DLG2: variants seen among roughly 807,000 people sequenced by gnomAD.
The protein encoded by DLG2 is disks large homolog 2.
Under a neutral mutation model 132.5 loss-of-function variants are expected in DLG2, and 45 were observed. The observed-to-expected ratio is 0.34, with a 90% CI of 0.27 to 0.44. The LOEUF is 0.44. Ranked by LOEUF, DLG2 falls within the 20% of genes least tolerant of loss-of-function variation. The probability of loss-of-function intolerance (pLI) is 1.00; values close to 1 mark genes in which losing one functional copy is unlikely to be tolerated. For synonymous variants in DLG2, 424 were observed against 419.6 expected (o/e 1.01, Z -0.13); for missense variants, 1,045 against 1,196.9 (o/e 0.87, Z 1.87).
chr11:84,313,685 G>GAAAGAAAGAAAGAAAT (rs2098325562), intron 7 of DLG2, among the ~76,000 whole-genome samples: 1 of 145,470 alleles, frequency 6.9e-6, no homozygotes, highest in Admixed American at 7.0e-5. Context: ...AAGAAAGAAA[G>GAAAGAAAGAAAGAAAT]AAAAAGAAAG....
chr11:84,083,050 C>T (rs889908268), intron 10 of DLG2, among the ~76,000 whole-genome samples: 7 of 152,180 alleles, frequency 4.6e-5, no homozygotes, highest in South Asian at 2.1e-4. Flanking sequence ...GAGGCCAAGG[C>T]GGGTAGATCA....
At chr11:84,243,552 A>T (rs2097263233) in intron 8 of DLG2, among the ~76,000 whole-genome samples, 1 of 152,228 alleles carries the variant, frequency 6.6e-6, no homozygotes, top group Non-Finnish European at 1.5e-5. Flanking sequence ...AGTGTTTCTC[A>T]AACTTAAATA....
At chr11:85,104,495 T>G (rs1293716903) in intron 6 of DLG2, among the ~76,000 whole-genome samples, 1 of 151,894 alleles carries the variant, frequency 6.6e-6, no homozygotes. Context: ...AGGAAATATC[T>G]AGAAAGGGCA....
At chr11:85,163,915 T>C (rs1048008313) in intron 4 of DLG2, among the ~76,000 whole-genome samples, 1 of 152,164 alleles carries the variant, frequency 6.6e-6, no homozygotes, top group African/African-American at 2.4e-5. Context: ...ATAACATGTG[T>C]ACCCATGTAT....
chr11:85,091,818 C>T (rs1195898132), intron 6 of DLG2, among the ~76,000 whole-genome samples: 1 of 151,898 alleles, frequency 6.6e-6, no homozygotes, highest in Non-Finnish European at 1.5e-5. Flanking sequence ...ATTTCCATGT[C>T]TGCAGTTACT....
At chr11:83,950,537 G>A (rs186114712) in intron 14 of DLG2, among the ~76,000 whole-genome samples, 6 of 152,320 alleles carry the variant, frequency 3.9e-5, no homozygotes, top group African/African-American at 1.2e-4. Context: ...AGGTTTCAGT[G>A]AGCTGAGATC....
chr11:84,600,183 A>AGAAAGAAG (rs1565419402), intron 6 of DLG2, among the ~76,000 whole-genome samples: 23 of 120,962 alleles, frequency 1.9e-4, no homozygotes, highest in Non-Finnish European at 3.3e-4. Flanking sequence ...AAAGAAAGAA[A>AGAAAGAAG]GAAAGAAAGA....
At chr11:84,649,402 A>G (rs956273265) in intron 6 of DLG2, among the ~76,000 whole-genome samples, 1 of 152,210 alleles carries the variant, frequency 6.6e-6, no homozygotes, top group African/African-American at 2.4e-5. Context: ...AGCATCCTAC[A>G]GAATAAAGCC....
At chr11:84,590,541 T>C (rs1231416355) in intron 6 of DLG2, among the ~76,000 whole-genome samples, 2 of 152,172 alleles carry the variant, frequency 1.3e-5, no homozygotes, top group African/African-American at 4.8e-5. Context: ...AAATTACATC[T>C]TGTAAATATT....
intron 8 of DLG2, among the ~76,000 whole-genome samples, chr11:84,179,833 G>A (rs1031330177): frequency 2.0e-5 from 3 of 152,010 alleles, no homozygotes; most frequent in Non-Finnish European, 4.4e-5. Flanking sequence ...TTGGGGATAA[G>A]GGGGACAACA....
intron 7 of DLG2, among the ~76,000 whole-genome samples, chr11:84,476,753 T>G (rs2099122724): frequency 6.6e-6 from 1 of 152,132 alleles, no homozygotes; most frequent in South Asian, 2.1e-4. Flanking sequence ...TTCCAGACTA[T>G]AGTCCTAGTA....
chr11:84,938,256 T>A (rs2048982905), intron 6 of DLG2, among the ~76,000 whole-genome samples: 1 of 152,120 alleles, frequency 6.6e-6, no homozygotes, highest in Non-Finnish European at 1.5e-5. Context: ...TTCCACAGGG[T>A]TCTTAGATAC....
chr11:84,468,817 AT>A (rs1309730895), intron 7 of DLG2, among the ~76,000 whole-genome samples: 1 of 151,550 alleles, frequency 6.6e-6, no homozygotes, highest in Non-Finnish European at 1.5e-5. Context: ...TTGTTATTCC[AT>A]TTTGCTTTAA....
At chr11:84,437,807 G>A (rs1259748248) in intron 7 of DLG2, 1 of 152,448 alleles carries the variant, frequency 6.6e-6, no homozygotes, top group African/African-American at 2.4e-5. Flanking sequence ...CTCCATGTGT[G>A]TCAGGAGGAA....
intron 8 of DLG2, among the ~76,000 whole-genome samples, chr11:84,190,197 G>A (rs2096378896): frequency 6.6e-6 from 1 of 151,538 alleles, no homozygotes; most frequent in Non-Finnish European, 1.5e-5. Flanking sequence ...GTGAATTGGA[G>A]AGAGAGTAAG....
chr11:85,148,669 A>T (rs956140534), intron 5 of DLG2, among the ~76,000 whole-genome samples: 1 of 152,186 alleles, frequency 6.6e-6, no homozygotes. Context: ...AGATGGGTAG[A>T]TTGCAAAAAT....
chr11:84,561,505 A>T (rs1168333673), intron 6 of DLG2, among the ~76,000 whole-genome samples: 14 of 152,124 alleles, frequency 9.2e-5, no homozygotes. Flanking sequence ...AGTGTAATTA[A>T]TCTACTTATA....
intron 7 of DLG2, among the ~76,000 whole-genome samples, chr11:84,521,317 G>GT (rs1565179895): frequency 6.6e-6 from 1 of 152,142 alleles, no homozygotes. Context: ...GATCTGCTGA[G>GT]TTGAGAACAC....
intron 18 of DLG2, among the ~76,000 whole-genome samples, chr11:83,696,491 A>G (rs1298700997): frequency 1.3e-5 from 2 of 152,224 alleles, no homozygotes; most frequent in Admixed American, 6.5e-5. Flanking sequence ...TCATTCCTTG[A>G]GTCACAGTTT....
Sources: allele counts gnomAD v4.1 joint callset (sites outside exome capture counted in the v4.1 genomes callset), GRCh38; gene constraint gnomAD v4.1.1; transcripts MANE v1.5; gene names NCBI Gene and HGNC (gene_info 2026-07-23, HGNC 2026-07-21).